The following FHDC1 variants were observed in gnomAD, a reference collection of about 807,000 sequenced individuals.
FHDC1 encodes the protein FH2 domain containing 1, also known as FH2 domain-containing protein 1.
Under a neutral mutation model 52.6 loss-of-function variants are expected in FHDC1, and 25 were observed. That is an observed-to-expected ratio of 0.48 (90% confidence interval 0.35 to 0.66). The LOEUF is 0.66. Ranked by LOEUF, FHDC1 falls within the 30% of genes least tolerant of loss-of-function variation. The pLI, the probability that FHDC1 is intolerant of heterozygous loss-of-function variation, is 0.01. For missense variants in FHDC1, 1,459 were observed against 1,452.8 expected, an observed-to-expected ratio of 1.00 and a Z score of -0.07; for synonymous variants, 616 against 581.5, an observed-to-expected ratio of 1.06 and a Z score of -0.85.
chr4:152,927,251 C>G, the FHDC1 span, among the ~76,000 whole-genome samples: 1 of 152,194 alleles, frequency 6.6e-6, no homozygotes, highest in Admixed American at 6.5e-5. Context: ...GCCAAGTATC[C>G]TATTGGTTTG....
rs769204949 is a variant in FHDC1, at chr4:152,975,212, G to A, written c.1921G>A (p.Gly641Ser). ...ASAFPRARRQ[G>S]VSVLRKRYSE... ...TGCCTTCCCCAGAGCTCGGCGCCAG[G>A]GCGTCAGTGTCCTCCGAAAGAGGTA... The change falls in exon 12 of 12, where the codon GGC (glycine) becomes AGC (serine). Residue 641 changes from glycine (G) to serine (S), a missense_variant. Gly to Ser is a moderately conservative substitution (Grantham distance 56, BLOSUM62 0). Coordinates refer to ENST00000511601, the MANE Select transcript of FHDC1 (RefSeq NM_001371116.1). 17 of 1,613,180 alleles carry A rather than the reference G, an allele frequency of 1.1e-5. No individual in the cohort carries two copies. The highest frequency in any genetic ancestry group is 6.7e-5 in the Admixed American group (4 of 59,998).
the FHDC1 span, among the ~76,000 whole-genome samples, chr4:152,917,631 T>C: frequency 6.6e-6 from 1 of 152,174 alleles, no homozygotes; most frequent in Admixed American, 6.6e-5. Flanking sequence ...AGAATTGAGT[T>C]TTAACCATGG....
intron 10 of FHDC1, among the ~76,000 whole-genome samples, chr4:152,969,075 A>G (rs1740556147): frequency 6.8e-6 from 1 of 147,204 alleles, no homozygotes; most frequent in South Asian, 2.1e-4. Context: ...TACTTCTTTT[A>G]TCTTCCTTAT....
intron 6 of FHDC1, 38 bp from the exon 7 acceptor site, chr4:152,962,776 G>A: frequency 6.4e-7 from 1 of 1,553,068 alleles, no homozygotes. Flanking sequence ...TGAAACTGAA[G>A]GCATCTCTAA....
upstream of FHDC1, among the ~76,000 whole-genome samples, chr4:152,931,935 T>TAAA (rs200667161): frequency 8.4e-5 from 8 of 95,266 alleles, no homozygotes; most frequent in East Asian, 2.9e-4. Flanking sequence ...AGAACCTGTC[T>TAAA]AAAAAAAAAA....
chr4:152,929,089 A>G, the FHDC1 span, among the ~76,000 whole-genome samples: 1 of 152,098 alleles, frequency 6.6e-6, no homozygotes, highest in Non-Finnish European at 1.5e-5. This position sits in a 1 kb window ranked among gnomAD's most constrained non-coding sequence, Gnocchi z 4.1. Flanking sequence ...GGTTTTATAC[A>G]TTTTAGGGAG....
chr4:152,963,258 T>C, intron 8 of FHDC1, 128 bp downstream of exon 8: 1 of 764,534 alleles, frequency 1.3e-6, no homozygotes, highest in Admixed American at 2.5e-5. Flanking sequence ...AAGATGGTTC[T>C]GTTTGTAGAA....
intron 2 of FHDC1, among the ~76,000 whole-genome samples, chr4:152,946,779 G>A (rs1739746309): frequency 6.6e-6 from 1 of 152,094 alleles, no homozygotes; most frequent in Non-Finnish European, 1.5e-5. Context: ...TACAGAAACA[G>A]CCCGACATTA....
intron 1 of FHDC1, among the ~76,000 whole-genome samples, chr4:152,938,181 A>T (rs927472905): frequency 7.0e-5 from 10 of 142,930 alleles, no homozygotes; most frequent in Non-Finnish European, 1.5e-4. Context: ...ATCCTTTGGC[A>T]CGCATGTGCT....
intron 9 of FHDC1, among the ~76,000 whole-genome samples, chr4:152,965,243 A>G (rs550856616): frequency 6.6e-6 from 1 of 152,348 alleles, no homozygotes; most frequent in African/African-American, 2.4e-5. Flanking sequence ...TAATAATTTC[A>G]AATCCCTCCA....
chr4:152,937,540 C>T (rs535406685), intron 1 of FHDC1, among the ~76,000 whole-genome samples: 1 of 151,982 alleles, frequency 6.6e-6, no homozygotes, highest in South Asian at 2.1e-4. Flanking sequence ...GCGGGTGCGG[C>T]GGCCGACCCA....
chr4:152,976,936 C>A lies in FHDC1; in HGVS notation c.*213C>A, dbSNP rs762138897. 4.1e-6 allele frequency: 2 copies of A among 483,748 alleles called. No individual in the cohort carries two copies. Among genetic ancestry groups the A allele is most frequent in the Non-Finnish European group, 6.8e-6 (2 of 292,688 alleles). The allele number at this position is 483,748 out of a possible 1,614,324, so 30.0% of individuals were successfully genotyped here. A position where few individuals can be genotyped will look rare whatever the true frequency, so the allele number is the denominator to read the frequency against. ...CTGCAGTCCAGCGTCCAGATGGATG[C>A]ACGTTCACTACTGTGACGGCCGCAC... is the stretch of plus-strand genomic sequence containing the variant. On this transcript the variant is annotated 3_prime_UTR_variant, in exon 12 of 12. Coordinates refer to ENST00000511601, the MANE Select transcript of FHDC1 (RefSeq NM_001371116.1).
intron 9 of FHDC1, among the ~76,000 whole-genome samples, chr4:152,967,435 A>G (rs1740498847): frequency 6.6e-6 from 1 of 152,160 alleles, no homozygotes; most frequent in Non-Finnish European, 1.5e-5. Flanking sequence ...TCAAAAAAAA[A>G]AAAGTTGCAC....
intron 2 of FHDC1, among the ~76,000 whole-genome samples, chr4:152,953,003 A>T (rs764967414): frequency 1.3e-5 from 2 of 152,188 alleles, no homozygotes; most frequent in East Asian, 3.9e-4. Context: ...ATAGTGGTGC[A>T]TGCCTGTAGT....
At chr4:152,931,566 G>A (rs1739253818), upstream of FHDC1, among the ~76,000 whole-genome samples, 1 of 151,768 alleles carries the variant, frequency 6.6e-6, no homozygotes, top group African/African-American at 2.4e-5. Context: ...AGGCAGGCAT[G>A]AGAGTCATCA....
At chr4:152,965,773 G>T (rs1221268027) in intron 9 of FHDC1, among the ~76,000 whole-genome samples, 1 of 152,188 alleles carries the variant, frequency 6.6e-6, no homozygotes, top group African/African-American at 2.4e-5. Flanking sequence ...ACCCACAGTT[G>T]GTTCTCATGA....
chr4:152,925,244 CCT>C, the FHDC1 span, among the ~76,000 whole-genome samples: 1 of 151,972 alleles, frequency 6.6e-6, no homozygotes, highest in Non-Finnish European at 1.5e-5. Flanking sequence ...ATTAATTAGA[CCT>C]CTTTTATATA....
upstream of FHDC1, among the ~76,000 whole-genome samples, chr4:152,932,941 G>A (rs760379263): frequency 1.3e-5 from 2 of 152,246 alleles, no homozygotes; most frequent in South Asian, 2.1e-4. Flanking sequence ...TAAACTGGGT[G>A]TAGGAAATAA....
chr4:152,954,578 T>C (rs541004876), intron 4 of FHDC1, among the ~76,000 whole-genome samples: 1 of 152,048 alleles, frequency 6.6e-6, no homozygotes, highest in East Asian at 1.9e-4. Flanking sequence ...TCCCAGCTAC[T>C]CAGGAGGCTG....
Sources: gnomAD v4.1 joint callset for allele counts (sites outside exome capture counted in the v4.1 genomes callset) on GRCh38, gnomAD v4.1.1 for gene constraint, Gnocchi (gnomAD v3.1) non-coding constraint, MANE v1.5 for transcripts, NCBI Gene and HGNC (gene_info 2026-07-23, HGNC 2026-07-21) for gene names.